The following BMAL1 variants were observed in gnomAD, a reference collection of about 807,000 sequenced individuals.
BMAL1 encodes basic helix-loop-helix ARNT-like protein 1.
At chr11:13,334,271 G>C in the BMAL1 span, among the ~76,000 whole-genome samples, 7,594 of 152,302 alleles carry the variant, frequency 0.05, 265 homozygotes, top group South Asian at 0.11. Context: ...TTCCTGCATA[G>C]TGCCAAAAAT....
chr11:13,288,177 T>C, the BMAL1 span, among the ~76,000 whole-genome samples: 2 of 152,196 alleles, frequency 1.3e-5, no homozygotes, highest in African/African-American at 4.8e-5. Context: ...AAATGGAAGG[T>C]TCTTAAATAA....
the BMAL1 span, among the ~76,000 whole-genome samples, chr11:13,311,323 C>T: frequency 2.0e-5 from 3 of 152,270 alleles, no homozygotes; most frequent in East Asian, 5.8e-4. Context: ...ATATGCGTAA[C>T]TGTGGGACGG....
At chr11:13,365,282 A>AACACACACACACACACAC in the BMAL1 span, 47 of 182,818 alleles carry the variant, frequency 2.6e-4, no homozygotes, top group South Asian at 2.6e-3. Flanking sequence ...GATATGCAGA[A>AACACACACACACACACAC]ACACACACAC....
chr11:13,336,812 G>A, the BMAL1 span, among the ~76,000 whole-genome samples: 1 of 152,178 alleles, frequency 6.6e-6, no homozygotes, highest in Non-Finnish European at 1.5e-5. Context: ...GGTCATGTGT[G>A]GGCTGGCAGT....
the BMAL1 span, chr11:13,310,144 A>G: frequency 6.6e-6 from 1 of 152,670 alleles, no homozygotes; most frequent in Non-Finnish European, 1.5e-5. Context: ...ATCATTGGCA[A>G]GTTCTCTGTG....
the BMAL1 span, among the ~76,000 whole-genome samples, chr11:13,348,694 A>G: frequency 2.0e-5 from 3 of 152,216 alleles, no homozygotes; most frequent in Admixed American, 2.0e-4. Context: ...GTTGAGGCTC[A>G]AGAATGAGAA....
chr11:13,309,766 A>G, the BMAL1 span, among the ~76,000 whole-genome samples: 12 of 152,206 alleles, frequency 7.9e-5, no homozygotes, highest in Non-Finnish European at 1.5e-5. Context: ...ATGTGTTACC[A>G]TAGGCATGCC....
the BMAL1 span, among the ~76,000 whole-genome samples, chr11:13,284,164 GTATATATATATATGTGTA>G: frequency 1.5e-4 from 5 of 33,802 alleles, no homozygotes; most frequent in African/African-American, 3.5e-4. Context: ...ATATATGTGT[GTATATATATATATGTGTA>G]TATATATATA....
chr11:13,342,486 G>A, the BMAL1 span, among the ~76,000 whole-genome samples: 1 of 152,112 alleles, frequency 6.6e-6, no homozygotes, highest in African/African-American at 2.4e-5. Context: ...TTAGATGTGA[G>A]GTGATAAATG....
the BMAL1 span, chr11:13,386,994 G>C: frequency 2.3e-5 from 9 of 391,068 alleles, no homozygotes; most frequent in Non-Finnish European, 4.1e-5. Context: ...TGGATAGCTT[G>C]CATTAATTGT....
At chr11:13,300,706 A>G in the BMAL1 span, among the ~76,000 whole-genome samples, 1 of 152,250 alleles carries the variant, frequency 6.6e-6, no homozygotes, top group South Asian at 2.1e-4. Flanking sequence ...ATTTCCGAGA[A>G]AAAACATGTC....
chr11:13,313,011 C>T, the BMAL1 span, among the ~76,000 whole-genome samples: 4 of 152,224 alleles, frequency 2.6e-5, no homozygotes, highest in African/African-American at 9.6e-5. Context: ...AGAAGTGAGA[C>T]AGTGAGCTCG....
At chr11:13,364,531 C>T in the BMAL1 span, among the ~76,000 whole-genome samples, 1 of 152,210 alleles carries the variant, frequency 6.6e-6, no homozygotes, top group Non-Finnish European at 1.5e-5. Flanking sequence ...AACTAGTCCA[C>T]TGTGTATTAG....
chr11:13,277,609 C>A, the BMAL1 span: 3 of 150,752 alleles, frequency 2.0e-5, no homozygotes, highest in Non-Finnish European at 4.4e-5. Context: ...CGCGGATTGG[C>A]TGGGGGCGGC....
chr11:13,308,793 G>A, the BMAL1 span, among the ~76,000 whole-genome samples: 7 of 152,316 alleles, frequency 4.6e-5, no homozygotes, highest in African/African-American at 1.7e-4. Flanking sequence ...AGTACCGTAG[G>A]AATCCAGCAG....
the BMAL1 span, among the ~76,000 whole-genome samples, chr11:13,351,296 T>C: frequency 6.6e-6 from 1 of 152,104 alleles, no homozygotes; most frequent in Admixed American, 6.5e-5. Flanking sequence ...ATGCGGGTTG[T>C]GAAAGAAAGG....
chr11:13,375,991 A>G, the BMAL1 span, among the ~76,000 whole-genome samples: 1 of 152,216 alleles, frequency 6.6e-6, no homozygotes, highest in Admixed American at 6.5e-5. Flanking sequence ...GCTCCAGGAA[A>G]TAGCAACATT....
chr11:13,346,459 G>T, the BMAL1 span, among the ~76,000 whole-genome samples: 83 of 152,298 alleles, frequency 5.4e-4, no homozygotes, highest in African/African-American at 1.9e-3. Flanking sequence ...TTCTTAAGGG[G>T]CAGGGTTCAG....
the BMAL1 span, chr11:13,353,281 G>C: frequency 1.3e-5 from 2 of 156,540 alleles, no homozygotes; most frequent in African/African-American, 4.8e-5. Context: ...GATCTGGCTG[G>C]TTAGGCAGGT....
Sources: gnomAD v4.1 joint callset for allele counts (sites outside exome capture counted in the v4.1 genomes callset) on GRCh38, gnomAD v4.1.1 for gene constraint, MANE v1.5 for transcripts, NCBI Gene and HGNC (gene_info 2026-07-23, HGNC 2026-07-21) for gene names.